Variants in ZNF548 observed in about 807,000 individuals in gnomAD.
The protein encoded by ZNF548 is zinc finger protein 548.
A neutral mutation model predicts 10.2 loss-of-function variants in ZNF548; 10 were observed. The ratio of observed to expected loss-of-function variants is 0.98; its 90% CI spans 0.60 to 1.66. The LOEUF is 1.66. Ranked by LOEUF, ZNF548 falls within the 40% of genes most tolerant of loss-of-function variation. ZNF548 has a pLI of 0.00. For missense variants in ZNF548, 599 were observed against 657.0 expected (o/e 0.91, Z 0.97); for synonymous variants, 217 against 223.5 (o/e 0.97, Z 0.26).
intron 3 of ZNF548, among the ~76,000 whole-genome samples, chr19:57,397,717 A>G (rs1336965337): frequency 1.3e-5 from 2 of 152,080 alleles, no homozygotes; most frequent in African/African-American, 4.8e-5. Flanking sequence ...GGCCCCAGGC[A>G]CCTGAGAGGG....
In ZNF548 at chr19:57,389,897, G is replaced by A. The variant is rs994647006; in HGVS notation, c.-203G>A. 3.5e-6 allele frequency: 2 copies of A among 566,794 alleles called. No homozygotes were observed. Among genetic ancestry groups the A allele is most frequent in the Non-Finnish European group, 6.1e-6 (2 of 330,072 alleles). 35.1% of individuals were successfully genotyped at this position (566,794 alleles called of 1,614,324 possible). On this transcript the variant is annotated 5_prime_UTR_variant, in exon 1 of 4. The change creates a new upstream start codon in the 5' untranslated region. Transcript: ENST00000336128. Reference sequence around the variant, plus strand: ...CTGGTGGTGGTCGTTTTGGTTCTGTGTGGTGTTTCACCAACTTCGGCCTAT... The same window carrying A: ...CTGGTGGTGGTCGTTTTGGTTCTGTATGGTGTTTCACCAACTTCGGCCTAT...
intron 1 of ZNF548, chr19:57,390,359 G>A (rs2088614528): frequency 2.4e-6 from 1 of 414,600 alleles, no homozygotes; most frequent in African/African-American, 2.0e-5. Context: ...GCGGGAAAGA[G>A]AGGGTTTTGT....
intron 3 of ZNF548, 55 bp from the exon 4 acceptor site, chr19:57,398,375 C>T (rs1395516399): frequency 6.3e-7 from 1 of 1,584,114 alleles, no homozygotes; most frequent in Non-Finnish European, 8.6e-7. Flanking sequence ...TGTGATGGAG[C>T]TGCTTCCTCC....
intron 1 of ZNF548, 69 bp downstream of exon 1, chr19:57,390,183 CTG>C: frequency 6.4e-7 from 1 of 1,552,346 alleles, no homozygotes; most frequent in Non-Finnish European, 8.8e-7. Context: ...TGAAGGGGCC[CTG>C]CAGGTCAGGC....
At chr19:57,391,008 A>G (rs2088620082) in intron 1 of ZNF548, among the ~76,000 whole-genome samples, 1 of 152,130 alleles carries the variant, frequency 6.6e-6, no homozygotes, top group Non-Finnish European at 1.5e-5. Context: ...GTTTTGTTAT[A>G]TGGATATATT....
At chr19:57,396,974 T>C (rs991536228) in intron 2 of ZNF548, 74 bp from the exon 3 acceptor site, 1 of 1,527,330 alleles carries the variant, frequency 6.5e-7, no homozygotes, top group East Asian at 2.3e-5. Context: ...TAAATATAAG[T>C]AGAAAATAGA....
rs1414270177 is a variant in ZNF548, at chr19:57,399,727, C to T, written c.1476C>T (p.Ser492=). 13 of 1,613,976 alleles carry T rather than the reference C, an allele frequency of 8.1e-6. No homozygotes were observed. Among genetic ancestry groups the T allele is most frequent in the Middle Eastern group, 3.3e-4 (2 of 6,082 alleles). Residue 492 remains serine (S), a synonymous_variant, in exon 4 of 4, where the codon AGC becomes AGT. Coordinates refer to ENST00000336128, the MANE Select transcript of ZNF548 (RefSeq NM_001172773.2). This position sits in a 1 kb window ranked among gnomAD's most constrained non-coding sequence, Gnocchi z 4.0. ...IHSGERPYEC[S]ECQKAFIRKS... is the part of the protein sequence containing the mutation. ...GTGGAGAAAGACCTTATGAGTGCAG[C>T]GAATGCCAGAAGGCCTTTATTAGAA...
chr19:57,399,970 GAAGT>G lies in ZNF548; in HGVS notation c.*84_*87del. ...TCCAGAACATTTTTCCTCTTACCAAGAAGTAAAATGCTGTACCCATTAACAACAA... is the reference window on the plus strand; with the variant it reads ...TCCAGAACATTTTTCCTCTTACCAAGAAAATGCTGTACCCATTAACAACAA... On this transcript the variant is annotated 3_prime_UTR_variant, in exon 4 of 4. Coordinates refer to ENST00000336128, the MANE Select transcript of ZNF548 (RefSeq NM_001172773.2). This position sits in a 1 kb window ranked among gnomAD's most constrained non-coding sequence, Gnocchi z 4.0. 1 of 1,168,610 alleles carries G rather than the reference GAAGT, an allele frequency of 8.6e-7. No homozygotes were observed. The highest frequency in any genetic ancestry group is 1.5e-5 in the African/African-American group (1 of 64,560). The allele number at this position is 1,168,610 out of a possible 1,614,324, so 72.4% of individuals were successfully genotyped here.
At position 57,400,440 on chromosome 19, in the gene ZNF548, T is replaced by G. The variant is rs2088706329; in HGVS notation, c.*551T>G. The G allele has an allele frequency of 6.6e-6, 1 of 152,514 alleles. No homozygotes were observed. The highest frequency in any genetic ancestry group is 6.5e-5 in the Admixed American group (1 of 15,292). 9.4% of individuals were successfully genotyped at this position (152,514 alleles called of 1,614,324 possible). On this transcript the variant is annotated 3_prime_UTR_variant, in exon 4 of 4. Coordinates refer to ENST00000336128, the MANE Select transcript of ZNF548 (RefSeq NM_001172773.2). The stretch of plus-strand genomic sequence containing the variant: ...ATATAGGATTTCTATTTTTTTTTTT[T>G]GTTTGTTTTTGAGACAGAGTCTTGC...
chr19:57,392,350 A>G (rs1166644329), intron 1 of ZNF548, among the ~76,000 whole-genome samples: 1 of 152,074 alleles, frequency 6.6e-6, no homozygotes, highest in East Asian at 1.9e-4. Context: ...CTTATTCATG[A>G]ATTTTTTTGC....
rs1418437044 is a variant in ZNF548 at position 57,390,093 on chromosome 19, C to T, written c.-7C>T. The T allele has an allele frequency of 1.9e-6, 3 of 1,609,054 alleles. No individual in the cohort carries two copies. The highest frequency in any genetic ancestry group is 1.7e-5 in the Admixed American group (1 of 59,978). On this transcript the variant is annotated 5_prime_UTR_variant, in exon 1 of 4. Coordinates refer to ENST00000336128, the MANE Select transcript of ZNF548 (RefSeq NM_001172773.2). The stretch of plus-strand genomic sequence containing the variant: ...CTTCCCTGGCTGGGCTGGCGGAGGC[C>T]TTGCTGATGAACCTGACTGAGGTGG...
At chr19:57,394,885 T>C (rs1349532590) in intron 2 of ZNF548, among the ~76,000 whole-genome samples, 1 of 152,068 alleles carries the variant, frequency 6.6e-6, no homozygotes, top group Non-Finnish European at 1.5e-5. Flanking sequence ...AGTGGCCCCA[T>C]GGTTTTTGTT....
At position 57,401,500 on chromosome 19, in the gene ZNF548, C is replaced by A. The variant is rs998767565; in HGVS notation, c.*1611C>A. On this transcript the variant is annotated 3_prime_UTR_variant, in exon 4 of 4. Transcript: ENST00000336128. ...GTGTAGGTTATATTCAAACACTATG[C>A]CTTTTTATGTGAGGGACCTCTTGAG... 2 of 152,014 alleles carry A rather than the reference C, an allele frequency of 1.3e-5. No individual in the cohort carries two copies. Among genetic ancestry groups the A allele is most frequent in the Non-Finnish European group, 2.9e-5 (2 of 68,016 alleles). 9.4% of individuals were successfully genotyped at this position (152,014 alleles called of 1,614,324 possible).
chr19:57,392,809 T>A (rs1184223396), intron 1 of ZNF548: 8 of 985,520 alleles, frequency 8.1e-6, no homozygotes, highest in Non-Finnish European at 7.2e-6. Flanking sequence ...AGGTGGGCTC[T>A]GTGTTGAGAG....
chr19:57,399,657 C>G lies in ZNF548; in HGVS notation c.1406C>G (p.Ala469Gly). The G allele has an allele frequency of 6.2e-7, 1 of 1,614,036 alleles. No individual in the cohort carries two copies. The highest frequency in any genetic ancestry group is 8.5e-7 in the Non-Finnish European group (1 of 1,179,968). Residue 469 changes from alanine (A) to glycine (G), a missense_variant, in exon 4 of 4, where the codon GCC becomes GGC. Transcript: ENST00000336128. This position sits in a 1 kb window ranked among gnomAD's most constrained non-coding sequence, Gnocchi z 4.0. ...TACGAGTGCAGAGAGTGTGGGAAAGCCTTTAGCCACAAGCATATACTTGTT... is the reference window on the plus strand; with the variant it reads ...TACGAGTGCAGAGAGTGTGGGAAAGGCTTTAGCCACAAGCATATACTTGTT... Reference protein sequence around the residue: ...RPYECRECGKAFSHKHILVEH... With the variant: ...RPYECRECGKGFSHKHILVEH...
chr19:57,390,483 G>C (rs1418301940), intron 1 of ZNF548: 3 of 220,038 alleles, frequency 1.4e-5, no homozygotes, highest in African/African-American at 6.8e-5. Context: ...AGGAAAACCA[G>C]GTTAGGAATG....
In ZNF548 at chr19:57,396,905, G is replaced by A. The variant is rs992179293; in HGVS notation, c.52-143G>A. 33 of 1,235,556 alleles carry A rather than the reference G, an allele frequency of 2.7e-5. No homozygotes were observed. The East Asian group carries it at 6.5e-4, about 24-fold the overall frequency. 76.5% of individuals were successfully genotyped at this position (1,235,556 alleles called of 1,614,324 possible). Reference sequence around the variant, plus strand: ...CTTGGTTTGAGAATATGGGCCCAGGGTGGTAGGGGAGATGGAAACACATTT... The same window carrying A: ...CTTGGTTTGAGAATATGGGCCCAGGATGGTAGGGGAGATGGAAACACATTT... On this transcript the variant is annotated intron_variant, in intron 2 of 3. Transcript: ENST00000336128.
Position 57,390,127 on chromosome 19 carries a change from T to C in ZNF548, c.15+13T>C, listed in dbSNP as rs774528719. 6.2e-7 allele frequency: 1 copy of C among 1,606,744 alleles called. No individual in the cohort carries two copies. ...GAACCTGACTGAGGTGGGTGTCCCG[T>C]CCCAGGCTCCCCCGCCCGACCGGTC... is the stretch of plus-strand genomic sequence containing the variant. On this transcript the variant is annotated intron_variant, in intron 1 of 3. Coordinates refer to ENST00000336128, the MANE Select transcript of ZNF548 (RefSeq NM_001172773.2).
In ZNF548 at chr19:57,401,231, G is replaced by T. The variant is rs1024663156; in HGVS notation, c.*1342G>T. 1 of 152,030 alleles carries T rather than the reference G, an allele frequency of 6.6e-6. No homozygotes were observed. Among genetic ancestry groups the T allele is most frequent in the African/African-American group, 2.4e-5 (1 of 41,374 alleles). The allele number at this position is 152,030 out of a possible 1,614,324, so 9.4% of individuals were successfully genotyped here. ...GTACTGTTGACTCTTTCTGTCTGTG[G>T]GTTCTGTATTCATGGATCGAAGCAA... On this transcript the variant is annotated 3_prime_UTR_variant, in exon 4 of 4. Transcript: ENST00000336128.
Sources: gnomAD v4.1 joint callset for allele counts (sites outside exome capture counted in the v4.1 genomes callset) on GRCh38, gnomAD v4.1.1 for gene constraint, Gnocchi (gnomAD v3.1) non-coding constraint, MANE v1.5 for transcripts, NCBI Gene and HGNC (gene_info 2026-07-23, HGNC 2026-07-21) for gene names.